LIPC: variants seen among roughly 807,000 people sequenced by gnomAD.
LIPC encodes hepatic triacylglycerol lipase.
Under a neutral mutation model 50.7 loss-of-function variants are expected in LIPC, and 44 were observed. The observed-to-expected ratio is 0.87, with a 90% CI of 0.68 to 1.11. LIPC has a LOEUF of 1.11. LIPC is among the 50% of genes most tolerant of loss of function. LIPC has a pLI of 0.00. For missense variants in LIPC, 697 were observed against 648.2 expected, an observed-to-expected ratio of 1.08 and a Z score of -0.82; for synonymous variants, 271 against 256.4, an observed-to-expected ratio of 1.06 and a Z score of -0.54.
At chr15:58,564,690 G>A (rs375273261) in intron 8 of LIPC, among the ~76,000 whole-genome samples, 5 of 152,240 alleles carry the variant, frequency 3.3e-5, no homozygotes, top group African/African-American at 1.2e-4. Flanking sequence ...TCGCGGCATT[G>A]CACTCCAGCC....
chr15:58,552,019 T>G (rs1893780110), intron 6 of LIPC, among the ~76,000 whole-genome samples: 1 of 152,198 alleles, frequency 6.6e-6, no homozygotes, highest in South Asian at 2.1e-4. Flanking sequence ...CCACTTCCAT[T>G]CTCACTCTCT....
At chr15:58,546,464 T>C (rs1893534688) in intron 5 of LIPC, among the ~76,000 whole-genome samples, 1 of 152,150 alleles carries the variant, frequency 6.6e-6, no homozygotes, top group Non-Finnish European at 1.5e-5. Flanking sequence ...TTACTCAGAC[T>C]GTCCCAATGG....
At position 58,563,665 on chromosome 15, in the gene LIPC, C is replaced by T. The variant is rs573340043; in HGVS notation, c.1330C>T (p.Arg444Cys). The T allele has an allele frequency of 3.1e-5, 50 of 1,614,048 alleles. No homozygotes were observed. The Middle Eastern group carries it at 8.4e-4, about 27-fold the overall frequency. ...CATCATCCCATGGAGCACAGGGCCG[C>T]GCCACTCAGGCCTCGTTCTGAAGAC... ...QTIIPWSTGPRHSGLVLKTIR... is the reference protein window; with the variant it reads ...QTIIPWSTGPCHSGLVLKTIR... The change falls in exon 8 of 9, where the codon CGC becomes TGC. Residue 444 changes from arginine to cysteine, a missense_variant. Physicochemically the swap from Arg to Cys is radical, Grantham distance 180 (BLOSUM62 -3). Transcript: ENST00000299022.
intron 1 of LIPC, among the ~76,000 whole-genome samples, chr15:58,467,425 G>T (rs1178023734): frequency 2.0e-5 from 3 of 152,070 alleles, no homozygotes. Flanking sequence ...TGCTTATTCT[G>T]GTCCCCTCAT....
chr15:58,478,978 C>T (rs1238681744), intron 1 of LIPC, among the ~76,000 whole-genome samples: 1 of 152,194 alleles, frequency 6.6e-6, no homozygotes, highest in African/African-American at 2.4e-5. Flanking sequence ...CTCTAGGCCT[C>T]GGAGTTGAAG....
intron 8 of LIPC, chr15:58,566,138 C>T (rs139092954): frequency 1.0e-6 from 1 of 976,070 alleles, no homozygotes; most frequent in Admixed American, 6.2e-5. Flanking sequence ...AGCGACCAGG[C>T]AATGCTGTTG....
At position 58,545,924 on chromosome 15, in the gene LIPC, G is replaced by C; in HGVS notation, c.757G>C (p.Gly253Arg). 6.2e-7 allele frequency: 1 copy of C among 1,614,202 alleles called. No homozygotes were observed. Among genetic ancestry groups the C allele is most frequent in the Non-Finnish European group, 8.5e-7 (1 of 1,180,028 alleles). ...TCCCAACGGGGGCTCCTTCCAGCCT[G>C]GCTGCCACTTCCTAGAGCTCTACAG... ...FYPNGGSFQP[G>R]CHFLELYRHI... The change falls in exon 5 of 9, where the codon GGC (glycine) becomes CGC (arginine). Residue 253 changes from glycine to arginine, a missense_variant. Transcript: ENST00000299022.
intron 1 of LIPC, among the ~76,000 whole-genome samples, chr15:58,463,073 C>T (rs1398454793): frequency 6.6e-6 from 1 of 151,842 alleles, no homozygotes; most frequent in Non-Finnish European, 1.5e-5. Context: ...TGGAGCAGCA[C>T]TGGGGGTGTG....
At chr15:58,478,159 T>G (rs1891061622) in intron 1 of LIPC, among the ~76,000 whole-genome samples, 1 of 152,138 alleles carries the variant, frequency 6.6e-6, no homozygotes, top group African/African-American at 2.4e-5. Context: ...ATGAGTGAAC[T>G]CTCAGAATAA....
intron 1 of LIPC, among the ~76,000 whole-genome samples, chr15:58,533,946 G>C (rs1043398509): frequency 1.7e-4 from 26 of 152,040 alleles, no homozygotes; most frequent in African/African-American, 1.4e-4. Context: ...TAATTTGAAG[G>C]GGAAAAAAAA....
At chr15:58,557,171 G>T (rs1025302972) in intron 6 of LIPC, among the ~76,000 whole-genome samples, 1 of 152,006 alleles carries the variant, frequency 6.6e-6, no homozygotes, top group Admixed American at 6.6e-5. Context: ...TGTGTGAGCC[G>T]ACGCCCCAGC....
intron 1 of LIPC, among the ~76,000 whole-genome samples, chr15:58,458,119 A>G (rs566580245): frequency 6.6e-6 from 1 of 152,152 alleles, no homozygotes. Context: ...AAATAAATAC[A>G]TAAGCACCTG....
intron 1 of LIPC, among the ~76,000 whole-genome samples, chr15:58,464,534 C>T (rs1595870884): frequency 1.3e-5 from 2 of 152,236 alleles, no homozygotes; most frequent in Non-Finnish European, 2.9e-5. Flanking sequence ...TCTTTAGTTG[C>T]TATTCATCAC....
chr15:58,478,078 C>T (rs1891059268), intron 1 of LIPC, among the ~76,000 whole-genome samples: 1 of 152,130 alleles, frequency 6.6e-6, no homozygotes, highest in Admixed American at 6.5e-5. Context: ...CTCAGTGTAC[C>T]CAAGCTTGGC....
At chr15:58,499,279 G>A (rs1323400925) in intron 1 of LIPC, among the ~76,000 whole-genome samples, 1 of 152,186 alleles carries the variant, frequency 6.6e-6, no homozygotes, top group Non-Finnish European at 1.5e-5. Context: ...TTCTTTGGGG[G>A]TAGAGCCAAA....
chr15:58,470,439 A>C (rs984945893), intron 1 of LIPC, among the ~76,000 whole-genome samples: 2 of 151,978 alleles, frequency 1.3e-5, no homozygotes, highest in Non-Finnish European at 2.9e-5. Flanking sequence ...TTTAAATAAA[A>C]ATTTTAATAA....
At chr15:58,528,892 C>A (rs1276829272) in intron 1 of LIPC, among the ~76,000 whole-genome samples, 1 of 152,200 alleles carries the variant, frequency 6.6e-6, no homozygotes, top group Non-Finnish European at 1.5e-5. Context: ...ACTGCCAATA[C>A]TAAAGCAGTG....
rs530787580 is a variant in LIPC at position 58,534,167 on chromosome 15, T to C, written c.89-4166T>C. On this transcript the variant is annotated intron_variant, in intron 1 of 8. Coordinates refer to ENST00000299022, the MANE Select transcript of LIPC (RefSeq NM_000236.3). ...ATGGGTTGGGAGGAAGGAAAATACATTTAGTTTGGCCTTGCTGAGTCTGTA... is the reference window on the plus strand; with the variant it reads ...ATGGGTTGGGAGGAAGGAAAATACACTTAGTTTGGCCTTGCTGAGTCTGTA... Among the ~76,000 whole-genome samples the C allele has an allele frequency of 3.3e-5, 5 of 152,288 alleles. No homozygotes were observed. The East Asian group carries it at 9.6e-4, about 29-fold the overall frequency.
chr15:58,461,396 T>C (rs2140708597), intron 1 of LIPC, among the ~76,000 whole-genome samples: 1 of 152,250 alleles, frequency 6.6e-6, no homozygotes, highest in African/African-American at 2.4e-5. Context: ...ACAGTCTCAG[T>C]ACAGAGCCTA....
Sources: gnomAD v4.1 joint callset for allele counts (sites outside exome capture counted in the v4.1 genomes callset) on GRCh38, gnomAD v4.1.1 for gene constraint, MANE v1.5 for transcripts, NCBI Gene and HGNC (gene_info 2026-07-23, HGNC 2026-07-21) for gene names.